The following TMTC2 variants were observed in gnomAD, a reference collection of about 807,000 sequenced individuals.
The protein encoded by TMTC2 is transmembrane O-mannosyltransferase targeting cadherins 2.
In TMTC2, 43 loss-of-function variants were observed where a neutral mutation model predicts 82.4. That is an observed-to-expected ratio of 0.52 (90% CI 0.41 to 0.67). The LOEUF (loss-of-function observed/expected upper bound fraction) is 0.67, where lower values mean the gene tolerates loss of function less well. TMTC2 is among the 30% of genes least tolerant of loss of function. The pLI is 0.00. For missense variants in TMTC2, 919 were observed against 1,012.4 expected, an observed-to-expected ratio of 0.91 and a Z score of 1.25; for synonymous variants, 408 against 381.9, an observed-to-expected ratio of 1.07 and a Z score of -0.80.
At chr12:82,811,486 G>A (rs1375410769) in intron 1 of TMTC2, among the ~76,000 whole-genome samples, 1 of 151,852 alleles carries the variant, frequency 6.6e-6, no homozygotes. Context: ...CCAATATTAT[G>A]TATAAATTCT....
intron 2 of TMTC2, among the ~76,000 whole-genome samples, chr12:82,874,184 A>G (rs1400744631): frequency 6.6e-6 from 1 of 152,216 alleles, no homozygotes; most frequent in African/African-American, 2.4e-5. Flanking sequence ...TAAAGGGAAC[A>G]TGCTGTGAAA....
At chr12:83,088,691 C>T (rs1883743790) in intron 11 of TMTC2, among the ~76,000 whole-genome samples, 1 of 152,112 alleles carries the variant, frequency 6.6e-6, no homozygotes, top group Non-Finnish European at 1.5e-5. Context: ...ATATGGGCAT[C>T]CCAAAGGAAT....
rs1345121980 is a variant in TMTC2 at position 82,876,057 on chromosome 12, G to GTGA, written c.654+18479_654+18480insATG. On this transcript the variant is annotated intron_variant, in intron 2 of 11. Transcript: ENST00000321196. The stretch of plus-strand genomic sequence containing the variant: ...GGTGGTGGTGGTGGTGGTGGTGGTG[G>GTGA]TGGTGGTGGTGATGATGATGATGGT... Among the ~76,000 whole-genome samples, 307 of 137,084 alleles carry GTGA rather than the reference G, an allele frequency of 2.2e-3. 7 individuals are homozygous for GTGA. The highest frequency in any genetic ancestry group is 3.6e-3 in the Non-Finnish European group (230 of 64,064). 89.9% of individuals were successfully genotyped at this position (137,084 alleles called of 152,430 possible). A position where few individuals can be genotyped will look rare whatever the true frequency, so the allele number is the denominator to read the frequency against.
intron 1 of TMTC2, among the ~76,000 whole-genome samples, chr12:82,766,755 A>G (rs968465218): frequency 2.0e-5 from 3 of 152,170 alleles, no homozygotes; most frequent in Non-Finnish European, 4.4e-5. Context: ...CTCTCAATCT[A>G]GAAATTCTGG....
chr12:82,930,219 G>C (rs547469492), intron 3 of TMTC2, among the ~76,000 whole-genome samples: 1 of 152,218 alleles, frequency 6.6e-6, no homozygotes, highest in Admixed American at 6.5e-5. Context: ...TATCTGCTTT[G>C]AGACATAATA....
At chr12:82,903,943 G>T (rs2137196292) in intron 3 of TMTC2, among the ~76,000 whole-genome samples, 1 of 152,252 alleles carries the variant, frequency 6.6e-6, no homozygotes, top group South Asian at 2.1e-4. Flanking sequence ...TCATGAGAGG[G>T]TTAGAATCGG....
chr12:82,975,703 T>C (rs949191713), intron 7 of TMTC2, among the ~76,000 whole-genome samples: 1 of 150,586 alleles, frequency 6.6e-6, no homozygotes, highest in African/African-American at 2.4e-5. Flanking sequence ...TGAAATGTAT[T>C]CCTAAAAGGA....
At chr12:83,075,648 G>GT (rs957317859) in intron 11 of TMTC2, among the ~76,000 whole-genome samples, 75 of 152,114 alleles carry the variant, frequency 4.9e-4, no homozygotes, top group African/African-American at 1.8e-3. Context: ...TCATCACATT[G>GT]TTATTACATA....
intron 2 of TMTC2, among the ~76,000 whole-genome samples, chr12:82,867,459 G>GA (rs1339358745): frequency 6.6e-6 from 1 of 152,136 alleles, no homozygotes; most frequent in East Asian, 1.9e-4. Flanking sequence ...TGGGGAAAAT[G>GA]AAGAACACCT....
intron 1 of TMTC2, among the ~76,000 whole-genome samples, chr12:82,810,572 G>A (rs1879445079): frequency 6.6e-6 from 1 of 151,910 alleles, no homozygotes; most frequent in Non-Finnish European, 1.5e-5. Flanking sequence ...TTTCCAGCAA[G>A]GTTTTTATAA....
At chr12:82,883,498 G>A (rs766173348) in intron 2 of TMTC2, among the ~76,000 whole-genome samples, 3 of 152,072 alleles carry the variant, frequency 2.0e-5, no homozygotes, top group Non-Finnish European at 4.4e-5. Flanking sequence ...GAGAGAAGGC[G>A]GCTGTATCTT....
chr12:82,811,807 C>CTTTTTTTTTTT (rs1171596880), intron 1 of TMTC2, among the ~76,000 whole-genome samples: 1 of 91,096 alleles, frequency 1.1e-5, no homozygotes, highest in Non-Finnish European at 2.1e-5. Context: ...TGCTCTCCTT[C>CTTTTTTTTTTT]TTTTTTTTTT....
chr12:82,783,677 G>C (rs962070265), intron 1 of TMTC2, among the ~76,000 whole-genome samples: 7 of 152,068 alleles, frequency 4.6e-5, no homozygotes, highest in Admixed American at 2.0e-4. Flanking sequence ...TTCCTACTAA[G>C]TTGTCATTTC....
At chr12:82,925,987 T>TG (rs1875685247) in intron 3 of TMTC2, among the ~76,000 whole-genome samples, 1 of 66,558 alleles carries the variant, frequency 1.5e-5, no homozygotes, top group African/African-American at 4.8e-5. Context: ...TTGTTTTTTT[T>TG]TTTTGTTTTT....
intron 1 of TMTC2, among the ~76,000 whole-genome samples, chr12:82,806,145 G>T (rs879846010): frequency 6.6e-6 from 1 of 152,116 alleles, no homozygotes; most frequent in African/African-American, 2.4e-5. Context: ...TATTTTGTGC[G>T]TTGAGTTAAA....
At chr12:82,984,336 A>T (rs901512217) in intron 7 of TMTC2, among the ~76,000 whole-genome samples, 2 of 152,166 alleles carry the variant, frequency 1.3e-5, no homozygotes, top group African/African-American at 4.8e-5. Context: ...TTTTATGCAT[A>T]CTATGTATTA....
At chr12:82,823,807 C>T (rs996664403) in intron 1 of TMTC2, among the ~76,000 whole-genome samples, 5 of 151,976 alleles carry the variant, frequency 3.3e-5, no homozygotes, top group Admixed American at 6.5e-5. Context: ...TCTCTCTACC[C>T]TCTGTTCACC....
chr12:82,899,654 TA>T (rs1873873487), intron 3 of TMTC2, among the ~76,000 whole-genome samples: 1 of 139,480 alleles, frequency 7.2e-6, no homozygotes, highest in African/African-American at 2.7e-5. Context: ...TATATAAGAA[TA>T]TATATATAAG....
At chr12:83,032,333 C>T (rs1295547001) in intron 9 of TMTC2, among the ~76,000 whole-genome samples, 1 of 144,962 alleles carries the variant, frequency 6.9e-6, no homozygotes, top group Non-Finnish European at 1.5e-5. Flanking sequence ...AGTATCATTG[C>T]TCCTTTTGAA....
Sources: gnomAD v4.1 joint callset for allele counts (sites outside exome capture counted in the v4.1 genomes callset) on GRCh38, gnomAD v4.1.1 for gene constraint, MANE v1.5 for transcripts, NCBI Gene and HGNC (gene_info 2026-07-23, HGNC 2026-07-21) for gene names.